Variants in PRKD1 observed in about 807,000 individuals in gnomAD.
The protein encoded by PRKD1 is serine/threonine-protein kinase D1.
Under a neutral mutation model 95.9 loss-of-function variants are expected in PRKD1, and 63 were observed. That is an observed-to-expected ratio of 0.66 (90% confidence interval 0.54 to 0.81). The LOEUF is 0.81. Ranked by LOEUF, PRKD1 falls within the 30% of genes least tolerant of loss-of-function variation. The pLI, the probability that PRKD1 is intolerant of heterozygous loss-of-function variation, is 0.00. For missense variants in PRKD1, 1,048 were observed against 1,165.3 expected, an observed-to-expected ratio of 0.90 and a Z score of 1.47; for synonymous variants, 425 against 423.1, an observed-to-expected ratio of 1.00 and a Z score of -0.05.
chr14:29,663,095 A>AAT (rs1471761755), intron 4 of PRKD1, among the ~76,000 whole-genome samples: 2 of 145,818 alleles, frequency 1.4e-5, no homozygotes, highest in East Asian at 3.9e-4. Context: ...TATACTATAT[A>AAT]ATATATATAA....
At chr14:29,839,363 C>T (rs1164797226) in intron 1 of PRKD1, among the ~76,000 whole-genome samples, 1 of 152,132 alleles carries the variant, frequency 6.6e-6, no homozygotes, top group African/African-American at 2.4e-5. Flanking sequence ...AATCATGGTA[C>T]CACCAGTACT....
intron 1 of PRKD1, among the ~76,000 whole-genome samples, chr14:29,741,894 CA>C (rs1436916992): frequency 6.6e-6 from 1 of 151,852 alleles, no homozygotes; most frequent in Non-Finnish European, 1.5e-5. Flanking sequence ...AATATTATGA[CA>C]TTTTTACATT....
chr14:29,678,957 G>A (rs1883381141), intron 2 of PRKD1, among the ~76,000 whole-genome samples: 1 of 152,068 alleles, frequency 6.6e-6, no homozygotes, highest in Non-Finnish European at 1.5e-5. Flanking sequence ...CCAGCTTTAG[G>A]TAAGTAAAAA....
At chr14:29,718,997 T>C (rs966743134) in intron 2 of PRKD1, among the ~76,000 whole-genome samples, 2 of 151,876 alleles carry the variant, frequency 1.3e-5, no homozygotes, top group African/African-American at 4.8e-5. Context: ...CTAAGACAAA[T>C]TAATATAATA....
intron 2 of PRKD1, among the ~76,000 whole-genome samples, chr14:29,684,462 C>A (rs748152679): frequency 6.6e-6 from 1 of 152,190 alleles, no homozygotes; most frequent in Non-Finnish European, 1.5e-5. Context: ...AACTAAATAG[C>A]TATCTCCTTC....
intron 1 of PRKD1, among the ~76,000 whole-genome samples, chr14:29,838,991 C>T (rs1323426156): frequency 6.6e-6 from 1 of 151,948 alleles, no homozygotes; most frequent in Non-Finnish European, 1.5e-5. Flanking sequence ...GGAAACAATG[C>T]CCAAAAGAAT....
intron 1 of PRKD1, among the ~76,000 whole-genome samples, chr14:29,883,827 T>C (rs1317580429): frequency 1.3e-5 from 2 of 152,192 alleles, no homozygotes; most frequent in African/African-American, 4.8e-5. Flanking sequence ...GTCACAATTA[T>C]GAAAACTTCT....
chr14:29,721,447 C>A (rs1235921514), intron 2 of PRKD1, among the ~76,000 whole-genome samples: 2 of 152,154 alleles, frequency 1.3e-5, no homozygotes, highest in Non-Finnish European at 2.9e-5. Flanking sequence ...GATACACACA[C>A]ATATAGACAT....
rs115985955 is a variant in PRKD1, at chr14:29,860,348, C to A, written c.264+66901G>T. The stretch of plus-strand genomic sequence containing the variant: ...GAATGAAATCCAAACTAAATCACAT[C>A]GTGTGTAGCTCAGAAAGGGACATGA... On this transcript the variant is annotated intron_variant, in intron 1 of 17. Coordinates refer to ENST00000331968, the MANE Select transcript of PRKD1 (RefSeq NM_002742.3). Among the ~76,000 whole-genome samples, 327 of 152,254 alleles carry A rather than the reference C, an allele frequency of 2.1e-3. 1 individual carries two copies. Among genetic ancestry groups the A allele is most frequent in the African/African-American group, 7.8e-3 (324 of 41,560 alleles).
intron 1 of PRKD1, among the ~76,000 whole-genome samples, chr14:29,845,996 C>A (rs1021992714): frequency 2.6e-5 from 4 of 152,064 alleles, no homozygotes; most frequent in African/African-American, 7.2e-5. Flanking sequence ...TAAAGTGTAA[C>A]TTGATTTCAA....
intron 1 of PRKD1, among the ~76,000 whole-genome samples, chr14:29,740,164 G>A (rs968536489): frequency 2.6e-5 from 4 of 152,104 alleles, no homozygotes; most frequent in Non-Finnish European, 5.9e-5. Context: ...TAGGCGTGTG[G>A]ATGTGCAGCT....
intron 1 of PRKD1, among the ~76,000 whole-genome samples, chr14:29,774,470 A>C (rs1888646634): frequency 6.6e-6 from 1 of 152,160 alleles, no homozygotes; most frequent in South Asian, 2.1e-4. Context: ...ACCAATAATA[A>C]TAATAACACT....
chr14:29,854,169 C>T (rs1004167437), intron 1 of PRKD1, among the ~76,000 whole-genome samples: 11 of 152,052 alleles, frequency 7.2e-5, no homozygotes, highest in African/African-American at 2.2e-4. Context: ...AATGTGGAAG[C>T]GACATTGCAA....
chr14:29,844,981 T>G (rs1292399639), intron 1 of PRKD1, among the ~76,000 whole-genome samples: 1 of 152,218 alleles, frequency 6.6e-6, no homozygotes, highest in Non-Finnish European at 1.5e-5. Flanking sequence ...CATAACCTCC[T>G]GTAGCACAGC....
At chr14:29,907,863 C>G (rs1405985275) in intron 1 of PRKD1, among the ~76,000 whole-genome samples, 1 of 152,040 alleles carries the variant, frequency 6.6e-6, no homozygotes, top group East Asian at 1.9e-4. Flanking sequence ...TTTTCTTAAA[C>G]ATGTATAGAG....
intron 16 of PRKD1, among the ~76,000 whole-genome samples, chr14:29,583,054 T>C (rs1309648801): frequency 6.6e-6 from 1 of 152,140 alleles, no homozygotes; most frequent in Non-Finnish European, 1.5e-5. Context: ...TGTAGAGGAA[T>C]GCCGAAACTC....
chr14:29,659,851 T>G (rs753482108), intron 4 of PRKD1, among the ~76,000 whole-genome samples: 6 of 152,190 alleles, frequency 3.9e-5, no homozygotes, highest in Non-Finnish European at 8.8e-5. Flanking sequence ...AATATGAGTT[T>G]TTATATGATA....
chr14:29,924,634 T>C (rs45558535), intron 1 of PRKD1, among the ~76,000 whole-genome samples: 5,638 of 152,264 alleles, frequency 0.037, 316 homozygotes, highest in African/African-American at 0.12. Flanking sequence ...CTGCTGTAAG[T>C]TCCACACGAC....
At chr14:29,908,373 G>A (rs747419176) in intron 1 of PRKD1, among the ~76,000 whole-genome samples, 19 of 151,984 alleles carry the variant, frequency 1.3e-4, no homozygotes, top group Non-Finnish European at 2.2e-4. Context: ...AGCTCAACGC[G>A]ACCTCCACCT....
Sources: gnomAD v4.1 joint callset for allele counts (sites outside exome capture counted in the v4.1 genomes callset) on GRCh38, gnomAD v4.1.1 for gene constraint, MANE v1.5 for transcripts, NCBI Gene and HGNC (gene_info 2026-07-23, HGNC 2026-07-21) for gene names.